The following STX4 variants were observed in gnomAD, a reference collection of about 807,000 sequenced individuals.
STX4 encodes syntaxin-4.
Under a neutral mutation model 41.8 loss-of-function variants are expected in STX4, and 24 were observed. That is an observed-to-expected ratio of 0.57 (90% CI 0.42 to 0.81). The LOEUF (loss-of-function observed/expected upper bound fraction) is 0.81. Ranked by LOEUF, STX4 falls within the 30% of genes least tolerant of loss-of-function variation. STX4 has a pLI of 0.00. For missense variants in STX4, 316 were observed against 389.9 expected, an observed-to-expected ratio of 0.81 and a Z score of 1.60; for synonymous variants, 158 against 156.4, an observed-to-expected ratio of 1.01 and a Z score of -0.08.
At chr16:31,035,183 GAGAA>G in intron 5 of STX4, 143 bp downstream of exon 5, 2 of 611,016 alleles carry the variant, frequency 3.3e-6, no homozygotes, top group Non-Finnish European at 5.3e-6. Flanking sequence ...AGCTCAGAGA[GAGAA>G]AGAACTTGCT....
rs967588795 is a variant in STX4, at chr16:31,033,621, G to T, written c.-185G>T. The T allele has an allele frequency of 3.4e-6, 5 of 1,481,270 alleles. No homozygotes were observed. Among genetic ancestry groups the T allele is most frequent in the Non-Finnish European group, 4.5e-6 (5 of 1,116,054 alleles). The allele number at this position is 1,481,270 out of a possible 1,614,324, so 91.8% of individuals were successfully genotyped here. A position where few individuals can be genotyped will look rare whatever the true frequency, so the allele number is the denominator to read the frequency against. On this transcript the variant is annotated 5_prime_UTR_variant, in exon 1 of 11. Coordinates refer to ENST00000313843, the MANE Select transcript of STX4 (RefSeq NM_004604.5). This position sits in a 1 kb window ranked among gnomAD's most constrained non-coding sequence, Gnocchi z 5.5. ...ATTCCAACCTGTGGAACCTTGGGGG[G>T]TCCCCGGGGTCGGCGCCTTCCCATT... is the stretch of plus-strand genomic sequence containing the variant.
At chr16:31,037,063 C>CA (rs1567389716) in intron 5 of STX4, among the ~76,000 whole-genome samples, 2 of 145,064 alleles carry the variant, frequency 1.4e-5, no homozygotes, top group African/African-American at 2.5e-5. Flanking sequence ...GACCCCCCCC[C>CA]CTTTTTTTTT....
chr16:31,034,179 C>G, intron 2 of STX4, 47 bp from the exon 3 acceptor site: 2 of 1,613,512 alleles, frequency 1.2e-6, no homozygotes, highest in African/African-American at 2.7e-5. Flanking sequence ...GTAGCGTGGT[C>G]TGGAGTACCC....
chr16:31,034,063 G>A lies in STX4; in HGVS notation c.81G>A (p.Val27=). Residue 27 remains valine (V), a synonymous_variant, in exon 2 of 11, where the codon GTG becomes GTA. Transcript: ENST00000313843. ...EEDKERVALV[V]HPGTARLGSP... ...ACAAGGAGCGGGTCGCGCTGGTGGT[G>A]CACCCGGGCACGGCACGGCTGGGGA... The A allele has an allele frequency of 6.2e-7, 1 of 1,610,176 alleles. No individual in the cohort carries two copies. The highest frequency in any genetic ancestry group is 8.5e-7 in the Non-Finnish European group (1 of 1,177,442).
chr16:31,033,553 G>T, upstream of STX4: 1 of 1,547,824 alleles, frequency 6.5e-7, no homozygotes, highest in Non-Finnish European at 8.7e-7. The surrounding 1 kb of genome is among the most constrained non-coding windows in gnomAD (Gnocchi z 5.5). Flanking sequence ...TCACGGAGGG[G>T]CGGGGCTGAG....
Position 31,039,482 on chromosome 16 carries a change from C to CTGGGG in STX4, c.703-49_703-45dup. Reference sequence around the variant, plus strand: ...CCTGCCAGGAATGTTCTTCAGTCATCTGGGGTGGGGTGGGCAAAGGCATCC... The same window carrying CTGGGG: ...CCTGCCAGGAATGTTCTTCAGTCATCTGGGGTGGGGTGGGGTGGGCAAAGGCATCC... On this transcript the variant is annotated intron_variant, in intron 8 of 10. Transcript: ENST00000313843. This position sits in a 1 kb window ranked among gnomAD's most constrained non-coding sequence, Gnocchi z 4.1. 6.5e-7 allele frequency: 1 copy of CTGGGG among 1,548,374 alleles called. No homozygotes were observed. The highest frequency in any genetic ancestry group is 8.9e-7 in the Non-Finnish European group (1 of 1,126,942).
chr16:31,038,434 C>G (rs1444753729), intron 7 of STX4, 76 bp from the exon 8 acceptor site: 2 of 1,588,176 alleles, frequency 1.3e-6, no homozygotes, highest in Non-Finnish European at 1.7e-6. Context: ...GAGGGCTCCC[C>G]AGAAGCTCAA....
chr16:31,034,438 G>C (rs2056784334), intron 3 of STX4, 24 bp from the exon 4 acceptor site: 2 of 1,599,306 alleles, frequency 1.3e-6, no homozygotes, highest in Non-Finnish European at 1.7e-6. Flanking sequence ...TGCTGTTTGG[G>C]AGTCTTGGCC....
chr16:31,037,524 G>A (rs1005571015), intron 5 of STX4, among the ~76,000 whole-genome samples: 1 of 150,892 alleles, frequency 6.6e-6, no homozygotes, highest in Non-Finnish European at 1.5e-5. Flanking sequence ...GCCGTGCGTG[G>A]TGGCGCGTGC....
chr16:31,039,544 G>A lies in STX4; in HGVS notation c.706G>A (p.Glu236Lys). ...AACCACCCCATCCTCTGAGCAGGGG[G>A]AGATGATCAATCGGATTGAGAAGAA... ...FLATEVEMQG[E>K]MINRIEKNIL... Residue 236 changes from glutamate (E) to lysine (K), a missense_variant, in exon 9 of 11, where the codon GAG becomes AAG. Physicochemically the swap from Glu to Lys is moderately conservative, Grantham distance 56 (BLOSUM62 1). Transcript: ENST00000313843. This position sits in a 1 kb window ranked among gnomAD's most constrained non-coding sequence, Gnocchi z 4.1. 1 of 1,614,014 alleles carries A rather than the reference G, an allele frequency of 6.2e-7. No individual in the cohort carries two copies. Among genetic ancestry groups the A allele is most frequent in the Non-Finnish European group, 8.5e-7 (1 of 1,180,026 alleles).
rs1449633033 is a variant in STX4, at chr16:31,039,651, G to A, written c.813G>A (p.Lys271=). 6.2e-7 allele frequency: 1 copy of A among 1,614,200 alleles called. No individual in the cohort carries two copies. Among genetic ancestry groups the A allele is most frequent in the Non-Finnish European group, 8.5e-7 (1 of 1,180,032 alleles). Residue 271 remains lysine, a splice_region_variant and synonymous_variant, in exon 9 of 11, where the codon AAG becomes AAA. Transcript: ENST00000313843. This position sits in a 1 kb window ranked among gnomAD's most constrained non-coding sequence, Gnocchi z 4.1. The part of the protein sequence containing the change: ...TALENQKKAR[K]KKVLIAICVS... The stretch of plus-strand genomic sequence containing the variant: ...TGGAGAACCAGAAGAAGGCGAGGAA[G>A]GTGAGCCTCCCAGGCCCGGCCACTG...
chr16:31,037,133 T>A (rs2056806645), intron 5 of STX4, among the ~76,000 whole-genome samples: 1 of 147,204 alleles, frequency 6.8e-6, no homozygotes, highest in Non-Finnish European at 1.5e-5. Flanking sequence ...GTGCCATCTC[T>A]GCTCACTGCA....
Position 31,033,600 on chromosome 16 carries a change from C to T in STX4, c.-206C>T, listed in dbSNP as rs2056772521. ...TGGAGCGGGGAAGAAAAGGGAATTC[C>T]AACCTGTGGAACCTTGGGGGGTCCC... On this transcript the variant is annotated 5_prime_UTR_variant, in exon 1 of 11. Transcript: ENST00000313843. The surrounding 1 kb of genome is among the most constrained non-coding windows in gnomAD (Gnocchi z 5.5). 1.3e-6 allele frequency: 2 copies of T among 1,517,460 alleles called. No homozygotes were observed. Among genetic ancestry groups the T allele is most frequent in the Non-Finnish European group, 1.8e-6 (2 of 1,131,388 alleles). 94.0% of individuals were successfully genotyped at this position (1,517,460 alleles called of 1,614,324 possible).
At position 31,034,997 on chromosome 16, in the gene STX4, A is replaced by C. The variant is rs1270976066; in HGVS notation, c.335A>C (p.Asp112Ala). The change falls in exon 5 of 11, where the codon GAT (aspartate) becomes GCT (alanine). Residue 112 changes from aspartate (D) to alanine (A), a missense_variant. By Grantham distance (126) the Asp-to-Ala change is moderately radical. Coordinates refer to ENST00000313843, the MANE Select transcript of STX4 (RefSeq NM_004604.5). ...ATAGAGCCCCAGAAGGAGGAAGCTG[A>C]TGAGAACTATAACTCCGTCAACACA... ...KAIEPQKEEADENYNSVNTRM... is the reference protein window; with the variant it reads ...KAIEPQKEEAAENYNSVNTRM... 1.2e-6 allele frequency: 2 copies of C among 1,611,938 alleles called. No homozygotes were observed. Among genetic ancestry groups the C allele is most frequent in the Non-Finnish European group, 1.7e-6 (2 of 1,179,342 alleles).
Position 31,034,266 on chromosome 16 carries a change from A to G in STX4, c.173A>G (p.Lys58Arg), listed in dbSNP as rs984078860. The change falls in exon 3 of 11, where the codon AAA (lysine) becomes AGA (arginine). Residue 58 changes from lysine (K) to arginine (R), a missense_variant. By Grantham distance (26) the Lys-to-Arg change is conservative (BLOSUM62 2). Transcript: ENST00000313843. ...IRQTIVKLGNKVQELEKQQVT... is the reference protein window; with the variant it reads ...IRQTIVKLGNRVQELEKQQVT... The stretch of plus-strand genomic sequence containing the variant: ...CAGACTATTGTCAAACTGGGGAATA[A>G]AGTCCAGGAGTTGGAGAAACAGCAG... The G allele has an allele frequency of 1.2e-6, 2 of 1,614,012 alleles. No individual in the cohort carries two copies. Among genetic ancestry groups the G allele is most frequent in the Admixed American group, 1.7e-5 (1 of 60,004 alleles).
Position 31,039,967 on chromosome 16 carries a change from G to T in STX4, c.*71G>T, listed in dbSNP as rs112208896. The T allele has an allele frequency of 1.3e-5, 10 of 742,846 alleles. No individual in the cohort carries two copies. The highest frequency in any genetic ancestry group is 1.2e-4 in the African/African-American group (7 of 57,384). 46.0% of individuals were successfully genotyped at this position (742,846 alleles called of 1,614,324 possible). ...GCCTTCTCTCCCAGCAGCCTGGGGG[G>T]CAGGGCAGAGCCTCCAGTCGGACCC... On this transcript the variant is annotated 3_prime_UTR_variant, in exon 11 of 11. Transcript: ENST00000313843. The surrounding 1 kb of genome is among the most constrained non-coding windows in gnomAD (Gnocchi z 4.1).
upstream of STX4, chr16:31,033,509 A>C: frequency 6.4e-7 from 1 of 1,550,562 alleles, no homozygotes; most frequent in South Asian, 1.2e-5. The surrounding 1 kb of genome is among the most constrained non-coding windows in gnomAD (Gnocchi z 5.5). Context: ...CGGGCAAGGA[A>C]GAGACGCGAC....
At position 31,036,085 on chromosome 16, in the gene STX4, G is replaced by T. The variant is rs567119848; in HGVS notation, c.378+1045G>T. ...TGAGCCACCGCGCGCGGCCCCTGGG[G>T]TGATATCTTAGTAAGGAGATTTGCA... is the stretch of plus-strand genomic sequence containing the variant. On this transcript the variant is annotated intron_variant, in intron 5 of 10. Coordinates refer to ENST00000313843, the MANE Select transcript of STX4 (RefSeq NM_004604.5). Among the ~76,000 whole-genome samples the T allele has an allele frequency of 3.3e-5, 5 of 152,096 alleles. No individual in the cohort carries two copies. In the East Asian group the frequency reaches 5.8e-4, roughly 18 times the overall value.
chr16:31,037,837 C>A, intron 5 of STX4, 89 bp from the exon 6 acceptor site: 2 of 1,300,532 alleles, frequency 1.5e-6, no homozygotes, highest in Non-Finnish European at 2.2e-6. Context: ...AGAGCTCATG[C>A]TATTTGCTCA....
Sources: allele counts gnomAD v4.1 joint callset (sites outside exome capture counted in the v4.1 genomes callset), GRCh38; gene constraint gnomAD v4.1.1; non-coding constraint Gnocchi (gnomAD v3.1); transcripts MANE v1.5; gene names NCBI Gene and HGNC (gene_info 2026-07-23, HGNC 2026-07-21).